FRAS1: variants seen among roughly 807,000 people sequenced by gnomAD.
The protein encoded by FRAS1 is Fraser extracellular matrix complex subunit 1.
In FRAS1, 290 loss-of-function variants were observed where a neutral mutation model predicts 435.2. The ratio of observed to expected loss-of-function variants is 0.67; its 90% CI spans 0.61 to 0.73. FRAS1 has a LOEUF of 0.73. FRAS1 is among the 30% of genes least tolerant of loss of function. The pLI is 0.00. For missense variants in FRAS1, 4,860 were observed against 5,001.5 expected (o/e 0.97, Z 0.85); for synonymous variants, 1,800 against 1,851.0 (o/e 0.97, Z 0.71).
intron 66 of FRAS1, among the ~76,000 whole-genome samples, chr4:78,517,452 G>C (rs922561581): frequency 6.6e-6 from 1 of 152,186 alleles, no homozygotes; most frequent in Non-Finnish European, 1.5e-5. Flanking sequence ...TCAAAGACAA[G>C]GATTTGTTAT....
chr4:78,383,432 A>C (rs900359374), intron 27 of FRAS1, among the ~76,000 whole-genome samples: 1 of 152,116 alleles, frequency 6.6e-6, no homozygotes, highest in Non-Finnish European at 1.5e-5. Context: ...GTTCTACATA[A>C]TAGACTCTGG....
chr4:78,231,906 C>T (rs1724533459), intron 2 of FRAS1, among the ~76,000 whole-genome samples: 1 of 151,840 alleles, frequency 6.6e-6, no homozygotes, highest in Admixed American at 6.6e-5. Context: ...ATTTTGATTG[C>T]TTTTTAGGCT....
At chr4:78,526,401 T>G (rs1168403598) in intron 69 of FRAS1, 140 bp from the exon 70 acceptor site, 1 of 569,198 alleles carries the variant, frequency 1.8e-6, no homozygotes, top group Non-Finnish European at 3.2e-6. Flanking sequence ...CCGAAAATGG[T>G]GTTTGCAGAC....
rs551543194 is a variant in FRAS1, at chr4:78,140,757, G to A, written c.108+74741G>A. Among the ~76,000 whole-genome samples, 20 of 148,966 alleles carry A rather than the reference G, an allele frequency of 1.3e-4. No individual in the cohort carries two copies. In the South Asian group the frequency reaches 1.5e-3, roughly 11 times the overall value. On this transcript the variant is annotated intron_variant, in intron 2 of 73. Transcript: ENST00000512123. The stretch of plus-strand genomic sequence containing the variant: ...TGTGTGTATATGTATATACGTGTGT[G>A]TATATGTATATACGTGTGTGTATAT...
chr4:78,231,041 G>A (rs1041525360), intron 2 of FRAS1, among the ~76,000 whole-genome samples: 2 of 151,980 alleles, frequency 1.3e-5, no homozygotes, highest in African/African-American at 4.8e-5. Flanking sequence ...TGCAACCTCC[G>A]CCTCCCGGGT....
At chr4:78,395,787 G>A (rs1402420665) in intron 29 of FRAS1, among the ~76,000 whole-genome samples, 1 of 151,924 alleles carries the variant, frequency 6.6e-6, no homozygotes, top group Non-Finnish European at 1.5e-5. Flanking sequence ...GTTTATAGTT[G>A]GATCATACTT....
chr4:78,297,222 T>C (rs1728180586), intron 14 of FRAS1, among the ~76,000 whole-genome samples: 1 of 152,192 alleles, frequency 6.6e-6, no homozygotes, highest in Non-Finnish European at 1.5e-5. Flanking sequence ...AAAAACATCT[T>C]GGCAGTTTGA....
intron 2 of FRAS1, among the ~76,000 whole-genome samples, chr4:78,172,825 T>C (rs181627522): frequency 0.013 from 1,945 of 152,142 alleles, 22 homozygotes; most frequent in Non-Finnish European, 0.019. Flanking sequence ...GAGAGTCTTT[T>C]GTGGAGTTCT....
intron 2 of FRAS1, among the ~76,000 whole-genome samples, chr4:78,143,487 T>C (rs1469330552): frequency 6.6e-6 from 1 of 152,184 alleles, no homozygotes; most frequent in African/African-American, 2.4e-5. Context: ...CATTGATGTA[T>C]AGTTCATAAA....
chr4:78,109,946 T>C (rs1306227875), intron 2 of FRAS1, among the ~76,000 whole-genome samples: 1 of 15,730 alleles, frequency 6.4e-5, no homozygotes, highest in African/African-American at 3.3e-4. Flanking sequence ...AGCATTCTTA[T>C]ACACCAACAA....
chr4:78,334,132 TA>T (rs1362290343), intron 19 of FRAS1, among the ~76,000 whole-genome samples: 8 of 152,286 alleles, frequency 5.3e-5, no homozygotes, highest in Non-Finnish European at 1.2e-4. Flanking sequence ...TTCTGATTAT[TA>T]AAAAGATATG....
chr4:78,411,507 A>G (rs1449622293), intron 31 of FRAS1, among the ~76,000 whole-genome samples: 1 of 152,194 alleles, frequency 6.6e-6, no homozygotes, highest in Non-Finnish European at 1.5e-5. Flanking sequence ...TTTGGGACAT[A>G]TGTAATGCCA....
chr4:78,342,553 A>T (rs529862198), intron 20 of FRAS1, among the ~76,000 whole-genome samples: 45 of 151,018 alleles, frequency 3.0e-4, no homozygotes, highest in Middle Eastern at 6.8e-3. Flanking sequence ...ATTAGAAAAA[A>T]TTTTTTTTTT....
intron 59 of FRAS1, among the ~76,000 whole-genome samples, chr4:78,490,713 A>C (rs762480805): frequency 6.6e-6 from 1 of 152,220 alleles, no homozygotes; most frequent in Non-Finnish European, 1.5e-5. Flanking sequence ...AAAGGTCTAA[A>C]ATCGACACCA....
At chr4:78,506,444 A>G (rs1280719446) in intron 61 of FRAS1, among the ~76,000 whole-genome samples, 1 of 152,122 alleles carries the variant, frequency 6.6e-6, no homozygotes, top group Non-Finnish European at 1.5e-5. Context: ...TACCTACTTA[A>G]GCCTCAGCAA....
chr4:78,456,138 C>CTTTTTTTTTTCTTTTTT (rs1553962164), intron 47 of FRAS1, among the ~76,000 whole-genome samples: 1 of 51,484 alleles, frequency 1.9e-5, no homozygotes, highest in African/African-American at 8.2e-5. Flanking sequence ...ACACATGTCA[C>CTTTTTTTTTTCTTTTTT]TTTTTTTTTT....
chr4:78,323,507 A>G (rs1179685638), intron 18 of FRAS1, among the ~76,000 whole-genome samples: 1 of 152,188 alleles, frequency 6.6e-6, no homozygotes, highest in Non-Finnish European at 1.5e-5. Flanking sequence ...CCCCAAAACA[A>G]CATCAGAAAA....
rs537728712 is a variant in FRAS1, at chr4:78,470,646, T to C, written c.7371+555T>C. 5.9e-5 allele frequency among the ~76,000 whole-genome samples: 9 copies of C among 152,312 alleles called. 1 individual carries two copies. The highest frequency in any genetic ancestry group is 3.3e-4 in the Admixed American group (5 of 15,300). ...AACTGTTTATATAGCATTTGTGCCA[T>C]GTGAGGTATTATAAGTAATCTTGAC... On this transcript the variant is annotated intron_variant, in intron 51 of 73. Coordinates refer to ENST00000512123, the MANE Select transcript of FRAS1 (RefSeq NM_025074.7).
At chr4:78,309,461 T>C (rs536899489) in intron 15 of FRAS1, among the ~76,000 whole-genome samples, 1 of 152,300 alleles carries the variant, frequency 6.6e-6, no homozygotes, top group East Asian at 1.9e-4. Flanking sequence ...TGTTTAATCC[T>C]CACAATTTCA....
Sources: allele counts gnomAD v4.1 joint callset (sites outside exome capture counted in the v4.1 genomes callset), GRCh38; gene constraint gnomAD v4.1.1; transcripts MANE v1.5; gene names NCBI Gene and HGNC (gene_info 2026-07-23, HGNC 2026-07-21).